The following GRM5 variants were observed in gnomAD, a reference collection of about 807,000 sequenced individuals.
GRM5 encodes the protein glutamate metabotropic receptor 5, also known as metabotropic glutamate receptor 5.
Under a neutral mutation model 83.1 loss-of-function variants are expected in GRM5, and 19 were observed. The observed-to-expected ratio is 0.23, with a 90% CI of 0.16 to 0.34. The LOEUF (loss-of-function observed/expected upper bound fraction) is 0.34. GRM5 is among the 10% of genes least tolerant of loss of function. The pLI, the probability that GRM5 is intolerant of heterozygous loss-of-function variation, is 1.00. For synonymous variants in GRM5, 675 were observed against 633.6 expected, an observed-to-expected ratio of 1.07 and a Z score of -0.98; for missense variants, 1,160 against 1,588.3, an observed-to-expected ratio of 0.73 and a Z score of 4.58.
At chr11:88,705,647 C>T (rs766101300) in intron 3 of GRM5, among the ~76,000 whole-genome samples, 8 of 151,000 alleles carry the variant, frequency 5.3e-5, no homozygotes, top group Non-Finnish European at 8.8e-5. Context: ...CATTCATCAT[C>T]GACTGCAACA....
intron 2 of GRM5, among the ~76,000 whole-genome samples, chr11:89,002,418 A>T (rs953142322): frequency 6.6e-6 from 1 of 152,156 alleles, no homozygotes; most frequent in African/African-American, 2.4e-5. Flanking sequence ...TCCTAAAAAA[A>T]ACTCAAAAAT....
intron 2 of GRM5, among the ~76,000 whole-genome samples, chr11:88,861,674 C>T (rs1317973792): frequency 6.6e-6 from 1 of 151,848 alleles, no homozygotes; most frequent in Non-Finnish European, 1.5e-5. Context: ...TCCATGTTGC[C>T]CAGGCTGGTC....
intron 2 of GRM5, among the ~76,000 whole-genome samples, chr11:88,984,476 G>A (rs763466428): frequency 5.2e-4 from 79 of 152,146 alleles, no homozygotes; most frequent in Non-Finnish European, 9.4e-4. Flanking sequence ...ACTCTATGAT[G>A]TTCACAGGAT....
In GRM5 at chr11:89,023,620, T is replaced by G. The variant is rs1319638182; in HGVS notation, c.661+23592A>C. Among the ~76,000 whole-genome samples the G allele has an allele frequency of 8.6e-5, 13 of 150,810 alleles. No individual in the cohort carries two copies. The East Asian group carries it at 2.6e-3, about 30-fold the overall frequency. ...CAGCACTTTGGGAGGCTGAGGCAGG[T>G]GGATCACGAGGTCAGGAGTTCAATA... On this transcript the variant is annotated intron_variant, in intron 2 of 9. Coordinates refer to ENST00000305447, the MANE Select transcript of GRM5 (RefSeq NM_001143831.3).
At chr11:88,529,173 A>C (rs2135114417) in intron 8 of GRM5, among the ~76,000 whole-genome samples, 1 of 151,866 alleles carries the variant, frequency 6.6e-6, no homozygotes, top group African/African-American at 2.4e-5. Context: ...ATCATTCAAA[A>C]CCGTTTACTG....
intron 3 of GRM5, among the ~76,000 whole-genome samples, chr11:88,805,225 C>T (rs537386463): frequency 6.4e-4 from 98 of 152,254 alleles, no homozygotes; most frequent in Non-Finnish European, 1.3e-3. Context: ...CAGAGTCTCA[C>T]TCTGTTGCCA....
chr11:88,841,905 T>C (rs1247866511), intron 3 of GRM5, among the ~76,000 whole-genome samples: 1 of 152,196 alleles, frequency 6.6e-6, no homozygotes, highest in Non-Finnish European at 1.5e-5. Flanking sequence ...CACAGGGAGA[T>C]GATTAGCCTC....
At chr11:88,752,471 A>C (rs1444966987) in intron 3 of GRM5, among the ~76,000 whole-genome samples, 1 of 152,196 alleles carries the variant, frequency 6.6e-6, no homozygotes, top group Non-Finnish European at 1.5e-5. Context: ...ACAAATGGAG[A>C]AACATTCCAT....
intron 2 of GRM5, among the ~76,000 whole-genome samples, chr11:88,894,830 G>C (rs316098): frequency 0.98 from 149,427 of 152,038 alleles, 73,477 homozygotes; most frequent in East Asian, 1. Flanking sequence ...CACATTTTTT[G>C]TCTCTCTGCT....
At chr11:88,784,973 T>C (rs530417675) in intron 3 of GRM5, among the ~76,000 whole-genome samples, 40 of 152,172 alleles carry the variant, frequency 2.6e-4, no homozygotes, top group African/African-American at 9.4e-4. Flanking sequence ...TAGCCAACAT[T>C]TTGAAATCAT....
Position 88,878,884 on chromosome 11 carries a change from A to C in GRM5, c.662-28729T>G, listed in dbSNP as rs563771805. ...CCATTTAGGGCTTTCTGGAAAAGACAAAACTATAGGAATAAAAATCAGATC... is the reference window on the plus strand; with the variant it reads ...CCATTTAGGGCTTTCTGGAAAAGACCAAACTATAGGAATAAAAATCAGATC... On this transcript the variant is annotated intron_variant, in intron 2 of 9. Transcript: ENST00000305447. Among the ~76,000 whole-genome samples, 17 of 152,318 alleles carry C rather than the reference A, an allele frequency of 1.1e-4. No individual in the cohort carries two copies. In the South Asian group the frequency reaches 3.5e-3, roughly 32 times the overall value.
At chr11:88,557,493 GAA>G (rs1942656143) in intron 8 of GRM5, among the ~76,000 whole-genome samples, 2 of 152,136 alleles carry the variant, frequency 1.3e-5, no homozygotes, top group Non-Finnish European at 2.9e-5. Context: ...GTTAAGAAGG[GAA>G]AAGAGGCAAC....
chr11:88,936,531 A>G (rs1330045617), intron 2 of GRM5, among the ~76,000 whole-genome samples: 1 of 151,928 alleles, frequency 6.6e-6, no homozygotes, highest in Non-Finnish European at 1.5e-5. Context: ...CTGTGAAAAC[A>G]TGGAAAACAA....
At chr11:88,969,206 T>C (rs1939087640) in intron 2 of GRM5, among the ~76,000 whole-genome samples, 1 of 152,078 alleles carries the variant, frequency 6.6e-6, no homozygotes, top group South Asian at 2.1e-4. Context: ...AAAACACCTA[T>C]GCTTTAAAAA....
chr11:88,920,647 A>G (rs1406009844), intron 2 of GRM5, among the ~76,000 whole-genome samples: 2 of 152,200 alleles, frequency 1.3e-5, no homozygotes, highest in African/African-American at 2.4e-5. Context: ...ATGCAGGACA[A>G]TATCTCTGAT....
chr11:88,849,826 T>C (rs1467634926), intron 3 of GRM5, 80 bp downstream of exon 3: 4 of 1,329,386 alleles, frequency 3.0e-6, no homozygotes, highest in Non-Finnish European at 4.2e-6. Flanking sequence ...AAGAATTTTT[T>C]ATCATACACT....
At chr11:88,591,012 C>A (rs1591368489) in intron 6 of GRM5, among the ~76,000 whole-genome samples, 1 of 152,110 alleles carries the variant, frequency 6.6e-6, no homozygotes, top group Non-Finnish European at 1.5e-5. Flanking sequence ...TAATTAAGTA[C>A]CTGTGCTTGT....
At chr11:88,621,246 G>A (rs1482629757) in intron 4 of GRM5, among the ~76,000 whole-genome samples, 1 of 152,126 alleles carries the variant, frequency 6.6e-6, no homozygotes, top group Non-Finnish European at 1.5e-5. Context: ...GGCCCTGTCT[G>A]TTTATCTTCA....
At chr11:88,920,429 CCAAAAAAAAAAAAA>C (rs1945670654) in intron 2 of GRM5, among the ~76,000 whole-genome samples, 1 of 1,440 alleles carries the variant, frequency 6.9e-4, no homozygotes, top group African/African-American at 1.6e-3. Flanking sequence ...AAAAAAAAAA[CCAAAAAAAAAAAAA>C]CCTCAGGGCC....
Sources: allele counts gnomAD v4.1 joint callset (sites outside exome capture counted in the v4.1 genomes callset), GRCh38; gene constraint gnomAD v4.1.1; transcripts MANE v1.5; gene names NCBI Gene and HGNC (gene_info 2026-07-23, HGNC 2026-07-21).